SPIRE1: variants seen among roughly 807,000 people sequenced by gnomAD.
SPIRE1 encodes the protein spire type actin nucleation factor 1.
Under a neutral mutation model 94.1 loss-of-function variants are expected in SPIRE1, and 40 were observed. That is an observed-to-expected ratio of 0.43 (90% CI 0.33 to 0.55). The LOEUF is 0.55. Ranked by LOEUF, SPIRE1 falls within the 20% of genes least tolerant of loss-of-function variation. The probability of loss-of-function intolerance (pLI) is 0.06; values close to 1 mark genes in which losing one functional copy is unlikely to be tolerated. For missense variants in SPIRE1, 838 were observed against 975.2 expected (o/e 0.86, Z 1.87); for synonymous variants, 376 against 371.7 (o/e 1.01, Z -0.13).
intron 9 of SPIRE1, among the ~76,000 whole-genome samples, chr18:12,482,271 T>C (rs1310529524): frequency 2.0e-5 from 3 of 152,036 alleles, no homozygotes; most frequent in African/African-American, 2.4e-5. Flanking sequence ...GCCTCCAGAG[T>C]AGCCGGGACT....
chr18:12,632,584 C>T (rs2037812391), intron 2 of SPIRE1, among the ~76,000 whole-genome samples: 2 of 152,096 alleles, frequency 1.3e-5, no homozygotes, highest in Non-Finnish European at 2.9e-5. Context: ...ATCCACAATC[C>T]CAATCTCCTC....
chr18:12,582,050 A>G (rs931621126), intron 2 of SPIRE1, among the ~76,000 whole-genome samples: 2 of 152,232 alleles, frequency 1.3e-5, no homozygotes, highest in African/African-American at 4.8e-5. Context: ...TCCACAGATG[A>G]CTTACCTCAA....
intron 1 of SPIRE1, among the ~76,000 whole-genome samples, chr18:12,644,906 C>T (rs2038181263): frequency 6.6e-6 from 1 of 152,122 alleles, no homozygotes; most frequent in Admixed American, 6.6e-5. Context: ...AACAATTTCA[C>T]AAGAAGGGCT....
intron 2 of SPIRE1, among the ~76,000 whole-genome samples, chr18:12,598,835 C>A (rs925916426): frequency 3.9e-5 from 6 of 152,092 alleles, no homozygotes; most frequent in Admixed American, 6.5e-5. Context: ...ACTCTGAAGC[C>A]CACCCCTCTG....
At chr18:12,659,484 T>C (rs1312037489), upstream of SPIRE1, among the ~76,000 whole-genome samples, 1 of 152,040 alleles carries the variant, frequency 6.6e-6, no homozygotes, top group South Asian at 2.1e-4. Context: ...CTGGCCAACA[T>C]GGGGAAACCC....
chr18:12,454,812 T>A (rs2031429812), intron 12 of SPIRE1, among the ~76,000 whole-genome samples: 1 of 152,202 alleles, frequency 6.6e-6, no homozygotes. Flanking sequence ...GGGCTTGAAA[T>A]CTTGAAAAAA....
intron 2 of SPIRE1, among the ~76,000 whole-genome samples, chr18:12,606,984 A>C (rs1484723426): frequency 6.6e-6 from 1 of 152,164 alleles, no homozygotes; most frequent in Non-Finnish European, 1.5e-5. Context: ...AAGGTAAACA[A>C]ATTTCAGAAA....
chr18:12,541,925 A>G (rs1226480879), intron 3 of SPIRE1, among the ~76,000 whole-genome samples: 1 of 151,960 alleles, frequency 6.6e-6, no homozygotes, highest in African/African-American at 2.4e-5. Context: ...ATACAATAAT[A>G]TATATTATTG....
At chr18:12,476,564 A>AATATATAT (rs1261493981) in intron 10 of SPIRE1, among the ~76,000 whole-genome samples, 1 of 69,840 alleles carries the variant, frequency 1.4e-5, no homozygotes, top group Non-Finnish European at 2.4e-5. Context: ...AAAAAAAAAA[A>AATATATAT]ATATATATAT....
At chr18:12,475,467 G>A (rs2032527283) in intron 10 of SPIRE1, among the ~76,000 whole-genome samples, 1 of 152,040 alleles carries the variant, frequency 6.6e-6, no homozygotes, top group Non-Finnish European at 1.5e-5. Context: ...AGTACTTACT[G>A]AAGGCATTCA....
At chr18:12,604,514 T>C (rs2036919021) in intron 2 of SPIRE1, among the ~76,000 whole-genome samples, 1 of 152,174 alleles carries the variant, frequency 6.6e-6, no homozygotes, top group Non-Finnish European at 1.5e-5. Flanking sequence ...AGATCTATGA[T>C]CTGCAAATAG....
At chr18:12,551,484 G>A (rs1057137707) in intron 2 of SPIRE1, among the ~76,000 whole-genome samples, 1 of 152,106 alleles carries the variant, frequency 6.6e-6, no homozygotes, top group East Asian at 1.9e-4. Context: ...GGCAGATCAC[G>A]AGGTCGGGAG....
chr18:12,583,401 A>T (rs1050660526), intron 2 of SPIRE1, among the ~76,000 whole-genome samples: 2 of 152,212 alleles, frequency 1.3e-5, no homozygotes, highest in African/African-American at 4.8e-5. Flanking sequence ...CAAGAGATTG[A>T]GACCATCCTG....
intron 2 of SPIRE1, among the ~76,000 whole-genome samples, chr18:12,552,023 G>A (rs2035365506): frequency 6.6e-6 from 1 of 152,210 alleles, no homozygotes; most frequent in Non-Finnish European, 1.5e-5. Context: ...ATTCAGTGCT[G>A]TCCTGTCACA....
chr18:12,464,258 A>G (rs1182160268), intron 11 of SPIRE1, among the ~76,000 whole-genome samples: 3 of 2,850 alleles, frequency 1.1e-3, no homozygotes, highest in African/African-American at 4.1e-3. Context: ...ATAATATCCA[A>G]TTGTGGATAG....
intron 2 of SPIRE1, among the ~76,000 whole-genome samples, chr18:12,622,282 T>C (rs2037493341): frequency 6.6e-6 from 1 of 152,118 alleles, no homozygotes; most frequent in Non-Finnish European, 1.5e-5. Context: ...AACACATCTG[T>C]GTAGCGTGGG....
intron 1 of SPIRE1, among the ~76,000 whole-genome samples, chr18:12,650,627 T>C (rs1007117919): frequency 6.6e-6 from 1 of 150,860 alleles, no homozygotes; most frequent in Non-Finnish European, 1.5e-5. Flanking sequence ...GGAGAATCGC[T>C]TGAACCCGGG....
chr18:12,589,403 G>A (rs1028692076), intron 2 of SPIRE1, among the ~76,000 whole-genome samples: 8 of 152,156 alleles, frequency 5.3e-5, no homozygotes, highest in African/African-American at 1.9e-4. Flanking sequence ...ACTAAGGAAG[G>A]AGGTCTGAAG....
upstream of SPIRE1, among the ~76,000 whole-genome samples, chr18:12,659,282 T>C (rs1403497738): frequency 6.6e-6 from 1 of 152,056 alleles, no homozygotes; most frequent in Non-Finnish European, 1.5e-5. Flanking sequence ...TCTATTTAAA[T>C]AACAACAGTC....
Sources: allele counts gnomAD v4.1 joint callset (sites outside exome capture counted in the v4.1 genomes callset), GRCh38; gene constraint gnomAD v4.1.1; transcripts MANE v1.5; gene names NCBI Gene and HGNC (gene_info 2026-07-23, HGNC 2026-07-21).